Variants in ULK4 observed in about 807,000 individuals in gnomAD.
The protein encoded by ULK4 is unc-51 like kinase 4.
Under a neutral mutation model 160.6 loss-of-function variants are expected in ULK4, and 133 were observed. The ratio of observed to expected loss-of-function variants is 0.83; its 90% CI spans 0.72 to 0.96. ULK4 has a LOEUF of 0.96. Ranked by LOEUF, ULK4 falls within the 40% of genes least tolerant of loss-of-function variation. ULK4 has a pLI of 0.00. For synonymous variants in ULK4, 534 were observed against 539.8 expected (o/e 0.99, Z 0.15); for missense variants, 1,580 against 1,499.5 (o/e 1.05, Z -0.89).
At chr3:41,457,380 A>C (rs2083579305) in intron 33 of ULK4, among the ~76,000 whole-genome samples, 2 of 152,156 alleles carry the variant, frequency 1.3e-5, no homozygotes, top group South Asian at 4.1e-4. Flanking sequence ...AGTCGCCAAG[A>C]AACATCGACC....
At chr3:41,595,387 G>A (rs1409027311) in intron 31 of ULK4, among the ~76,000 whole-genome samples, 5 of 152,176 alleles carry the variant, frequency 3.3e-5, no homozygotes, top group African/African-American at 9.7e-5. Context: ...CCAGCCTCTC[G>A]GGGCACTGAG....
chr3:41,952,843 G>A (rs534177810), intron 2 of ULK4, among the ~76,000 whole-genome samples: 13 of 152,198 alleles, frequency 8.5e-5, no homozygotes, highest in African/African-American at 2.2e-4. Flanking sequence ...AGCAAAATGC[G>A]CTTTATATAT....
intron 34 of ULK4, among the ~76,000 whole-genome samples, chr3:41,399,016 C>A (rs2082124086): frequency 6.6e-6 from 1 of 152,038 alleles, no homozygotes; most frequent in Non-Finnish European, 1.5e-5. Context: ...AAAGGACATA[C>A]CCATATTCCT....
chr3:41,346,944 T>C (rs1037621941), intron 35 of ULK4, among the ~76,000 whole-genome samples: 2 of 152,184 alleles, frequency 1.3e-5, no homozygotes, highest in African/African-American at 2.4e-5. Flanking sequence ...GCTTCAAACT[T>C]TTCTAATGGC....
At chr3:41,406,880 C>T (rs905018354) in intron 34 of ULK4, among the ~76,000 whole-genome samples, 7 of 152,194 alleles carry the variant, frequency 4.6e-5, no homozygotes, top group Non-Finnish European at 8.8e-5. Flanking sequence ...TAATGAAGAA[C>T]GGTTGTCCCT....
intron 29 of ULK4, among the ~76,000 whole-genome samples, chr3:41,676,967 T>TA (rs1367324757): frequency 1.5e-5 from 2 of 134,094 alleles, no homozygotes; most frequent in African/African-American, 6.0e-5. Context: ...GCTGGAGTGG[T>TA]AGAATCACGG....
At chr3:41,708,297 C>G (rs1183283318) in intron 25 of ULK4, among the ~76,000 whole-genome samples, 1 of 152,120 alleles carries the variant, frequency 6.6e-6, no homozygotes, top group African/African-American at 2.4e-5. Flanking sequence ...AACTGTCCAT[C>G]AACAGATGAA....
intron 19 of ULK4, among the ~76,000 whole-genome samples, chr3:41,807,529 A>G (rs888579370): frequency 1.3e-5 from 2 of 152,168 alleles, no homozygotes; most frequent in African/African-American, 4.8e-5. Context: ...CACTATTTTT[A>G]TCTCTTTGCC....
intron 31 of ULK4, among the ~76,000 whole-genome samples, chr3:41,611,744 G>A (rs770494608): frequency 1.2e-4 from 19 of 152,092 alleles, no homozygotes; most frequent in South Asian, 2.1e-4. Context: ...AAGCACAGGC[G>A]TTCTAGACTT....
intron 30 of ULK4, among the ~76,000 whole-genome samples, chr3:41,655,507 CACT>C (rs1451803517): frequency 1.3e-5 from 2 of 151,968 alleles, no homozygotes; most frequent in East Asian, 1.9e-4. Context: ...TGCACATGTA[CACT>C]ACAACTTAAA....
intron 34 of ULK4, among the ~76,000 whole-genome samples, chr3:41,435,998 C>T (rs6772341): frequency 0.26 from 40,175 of 151,982 alleles, 5,804 homozygotes; most frequent in African/African-American, 0.38. Flanking sequence ...TACAGACAGT[C>T]CCCAACTTAC....
chr3:41,624,724 A>G (rs759662171), intron 30 of ULK4, among the ~76,000 whole-genome samples: 8 of 152,180 alleles, frequency 5.3e-5, no homozygotes, highest in South Asian at 2.1e-4. Context: ...GGTAAGCCTA[A>G]TAAGGACGAT....
At chr3:41,519,432 T>A (rs1420486852) in intron 32 of ULK4, among the ~76,000 whole-genome samples, 2 of 152,228 alleles carry the variant, frequency 1.3e-5, no homozygotes, top group Non-Finnish European at 2.9e-5. Flanking sequence ...CAGTCGCTAA[T>A]TTCATTTCCA....
chr3:41,435,887 G>C (rs921681125), intron 34 of ULK4, among the ~76,000 whole-genome samples: 17 of 152,250 alleles, frequency 1.1e-4, no homozygotes, highest in Middle Eastern at 3.4e-3. Flanking sequence ...GGTGGAGGTT[G>C]GAGTGAGCAA....
At chr3:41,612,477 G>A (rs1404831592) in intron 31 of ULK4, among the ~76,000 whole-genome samples, 2 of 152,140 alleles carry the variant, frequency 1.3e-5, no homozygotes, top group Non-Finnish European at 2.9e-5. Flanking sequence ...TCCCTGCAAC[G>A]TGAACTTAGA....
chr3:41,895,188 T>C (rs550767803), intron 16 of ULK4, among the ~76,000 whole-genome samples: 70 of 152,274 alleles, frequency 4.6e-4, no homozygotes, highest in African/African-American at 1.6e-3. Context: ...GATGGGAGAA[T>C]CACTTGAGCC....
chr3:41,888,464 AGACG>A (rs1292239666), intron 16 of ULK4, among the ~76,000 whole-genome samples: 4 of 152,224 alleles, frequency 2.6e-5, no homozygotes, highest in Admixed American at 6.5e-5. Context: ...ACAGGTAGAC[AGACG>A]TTCCCAAGGA....
At chr3:41,621,344 A>T (rs1165822455) in intron 30 of ULK4, among the ~76,000 whole-genome samples, 2 of 152,206 alleles carry the variant, frequency 1.3e-5, no homozygotes, top group African/African-American at 4.8e-5. Flanking sequence ...TGGAGGCATC[A>T]TGCTATCTGA....
At chr3:41,585,979 G>A (rs2030769507) in intron 31 of ULK4, among the ~76,000 whole-genome samples, 1 of 152,068 alleles carries the variant, frequency 6.6e-6, no homozygotes, top group Non-Finnish European at 1.5e-5. Flanking sequence ...CACCTATTAG[G>A]ATGGCCACTA....
Sources: gnomAD v4.1 joint callset for allele counts (sites outside exome capture counted in the v4.1 genomes callset) on GRCh38, gnomAD v4.1.1 for gene constraint, MANE v1.5 for transcripts, NCBI Gene and HGNC (gene_info 2026-07-23, HGNC 2026-07-21) for gene names.